Variants in MITF observed in about 807,000 individuals in gnomAD.
The protein encoded by MITF is melanocyte inducing transcription factor, also known as microphthalmia-associated transcription factor.
In MITF, 17 loss-of-function variants were observed where a neutral mutation model predicts 60.5. The ratio of observed to expected loss-of-function variants is 0.28; its 90% confidence interval spans 0.19 to 0.42. The LOEUF is 0.42. Among genes scored for constraint, MITF ranks in the 10% least tolerant of loss-of-function variants. The pLI, the probability that MITF is intolerant of heterozygous loss-of-function variation, is 1.00. For missense variants in MITF, 622 were observed against 683.5 expected, an observed-to-expected ratio of 0.91 and a Z score of 1.00; for synonymous variants, 260 against 248.5, an observed-to-expected ratio of 1.05 and a Z score of -0.43.
At chr3:69,910,681 T>A (rs2107385635) in intron 2 of MITF, among the ~76,000 whole-genome samples, 1 of 152,338 alleles carries the variant, frequency 6.6e-6, no homozygotes, top group African/African-American at 2.4e-5. Flanking sequence ...TTGACTTGAC[T>A]GCTCCGCTGG....
At chr3:69,803,023 C>T (rs1343072269) in intron 1 of MITF, among the ~76,000 whole-genome samples, 1 of 151,930 alleles carries the variant, frequency 6.6e-6, no homozygotes, top group East Asian at 1.9e-4. Flanking sequence ...GCGATCTGCC[C>T]GCCTCAGCCT....
At chr3:69,824,734 A>G (rs1009464455) in intron 1 of MITF, among the ~76,000 whole-genome samples, 5 of 152,126 alleles carry the variant, frequency 3.3e-5, no homozygotes, top group African/African-American at 1.2e-4. Flanking sequence ...CCTGCAGTGC[A>G]TAGTGGCCAC....
At chr3:69,805,787 T>C (rs2062995696) in intron 1 of MITF, among the ~76,000 whole-genome samples, 1 of 151,956 alleles carries the variant, frequency 6.6e-6, no homozygotes, top group Admixed American at 6.6e-5. Context: ...GCCTACCAAA[T>C]AGCTAGGACT....
At chr3:69,850,328 C>T (rs754922230) in intron 1 of MITF, among the ~76,000 whole-genome samples, 3 of 152,050 alleles carry the variant, frequency 2.0e-5, no homozygotes, top group Non-Finnish European at 4.4e-5. Flanking sequence ...CTTTGCAAAC[C>T]GTTTGGCAAG....
intron 1 of MITF, among the ~76,000 whole-genome samples, chr3:69,815,531 C>A (rs1471317743): frequency 2.0e-5 from 3 of 152,128 alleles, no homozygotes; most frequent in African/African-American, 7.2e-5. Flanking sequence ...ATAACATTTT[C>A]TTTTCTCCGG....
chr3:69,817,777 A>G (rs2063204944), intron 1 of MITF, among the ~76,000 whole-genome samples: 1 of 152,260 alleles, frequency 6.6e-6, no homozygotes, highest in Non-Finnish European at 1.5e-5. Flanking sequence ...TTAAAAATAA[A>G]TGTAATAACA....
At chr3:69,745,625 C>T (rs773704625) in intron 1 of MITF, among the ~76,000 whole-genome samples, 2 of 152,236 alleles carry the variant, frequency 1.3e-5, no homozygotes, top group Non-Finnish European at 2.9e-5. Context: ...TTTTAAACTT[C>T]TAACCTTTCT....
chr3:69,773,424 G>A (rs2062423315), intron 1 of MITF, among the ~76,000 whole-genome samples: 1 of 152,194 alleles, frequency 6.6e-6, no homozygotes, highest in Non-Finnish European at 1.5e-5. Context: ...GCCCAGTGTG[G>A]TGGGGGAAAA....
intron 1 of MITF, among the ~76,000 whole-genome samples, chr3:69,812,955 C>T (rs1035350124): frequency 1.3e-5 from 2 of 152,098 alleles, no homozygotes; most frequent in South Asian, 2.1e-4. Context: ...TCACATAAAA[C>T]GAATGTGTAA....
intron 2 of MITF, among the ~76,000 whole-genome samples, chr3:69,920,616 C>G (rs1243696770): frequency 6.6e-6 from 1 of 152,204 alleles, no homozygotes; most frequent in Non-Finnish European, 1.5e-5. Context: ...CAGGGAAGGG[C>G]TCCCTGTCCA....
chr3:69,906,874 C>T (rs745664953), intron 2 of MITF, among the ~76,000 whole-genome samples: 12 of 152,074 alleles, frequency 7.9e-5, no homozygotes, highest in Admixed American at 6.6e-5. Flanking sequence ...GAGCTGTCAA[C>T]GCACTCCCTT....
intron 1 of MITF, among the ~76,000 whole-genome samples, chr3:69,750,158 T>C (rs1364730369): frequency 6.6e-6 from 1 of 152,156 alleles, no homozygotes; most frequent in Admixed American, 6.5e-5. Flanking sequence ...GTTACCCCTC[T>C]TTCTCACTTT....
intron 1 of MITF, among the ~76,000 whole-genome samples, chr3:69,790,388 A>G (rs2062721155): frequency 6.6e-6 from 1 of 152,214 alleles, no homozygotes; most frequent in Non-Finnish European, 1.5e-5. Context: ...TGCGAGATGA[A>G]AAAGTTCTGG....
chr3:69,937,365 G>GGTGTGTGTGTGTGT (rs56689910), intron 2 of MITF, among the ~76,000 whole-genome samples: 1 of 142,116 alleles, frequency 7.0e-6, no homozygotes, highest in East Asian at 2.1e-4. Context: ...TTCTTAAGGA[G>GGTGTGTGTGTGTGT]GTGTGTGTGT....
chr3:69,742,433 C>T (rs774512424), intron 1 of MITF, among the ~76,000 whole-genome samples: 1 of 152,196 alleles, frequency 6.6e-6, no homozygotes, highest in Non-Finnish European at 1.5e-5. Flanking sequence ...TGCCCAGAAC[C>T]TGCCCATGGC....
chr3:69,839,686 G>A (rs549336791), intron 1 of MITF, among the ~76,000 whole-genome samples: 99 of 151,896 alleles, frequency 6.5e-4, no homozygotes, highest in Non-Finnish European at 1.2e-3. Context: ...TATCTATGTG[G>A]GGGCTCAGAA....
intron 2 of MITF, among the ~76,000 whole-genome samples, chr3:69,894,468 C>T (rs2064828918): frequency 6.6e-6 from 1 of 152,096 alleles, no homozygotes; most frequent in Non-Finnish European, 1.5e-5. Context: ...GGTGGATCAC[C>T]TGAGGTCAGG....
intron 2 of MITF, among the ~76,000 whole-genome samples, chr3:69,934,789 G>A (rs2065796105): frequency 6.6e-6 from 1 of 152,174 alleles, no homozygotes; most frequent in Non-Finnish European, 1.5e-5. Context: ...CTATCTCCAA[G>A]GGAATGTAAA....
chr3:69,850,261 C>A (rs558921225), intron 1 of MITF, among the ~76,000 whole-genome samples: 1 of 152,234 alleles, frequency 6.6e-6, no homozygotes, highest in Non-Finnish European at 1.5e-5. Flanking sequence ...GGTGATATAG[C>A]CTGTGGCTTA....
Sources: gnomAD v4.1 joint callset for allele counts (sites outside exome capture counted in the v4.1 genomes callset) on GRCh38, gnomAD v4.1.1 for gene constraint, MANE v1.5 for transcripts, NCBI Gene and HGNC (gene_info 2026-07-23, HGNC 2026-07-21) for gene names.